CLIP4: variants seen among roughly 807,000 people sequenced by gnomAD.
CLIP4 encodes the protein CAP-Gly domain containing linker protein family member 4.
CLIP4 carries 47 observed loss-of-function variants against 73.1 expected under a neutral mutation model. The ratio of observed to expected loss-of-function variants is 0.64; its 90% confidence interval spans 0.51 to 0.82. CLIP4 has a LOEUF of 0.82. Among genes scored for constraint, CLIP4 ranks in the 40% least tolerant of loss-of-function variants. CLIP4 has a pLI of 0.00. For synonymous variants in CLIP4, 306 were observed against 295.4 expected (o/e 1.04, Z -0.37); for missense variants, 874 against 852.9 (o/e 1.02, Z -0.31).
chr2:29,120,118 C>T (rs1025352884), intron 1 of CLIP4, among the ~76,000 whole-genome samples: 4 of 152,056 alleles, frequency 2.6e-5, no homozygotes, highest in African/African-American at 9.7e-5. Context: ...ATTTATGTGG[C>T]AAGGTTAATG....
chr2:29,170,284 G>T (rs1667918202), intron 14 of CLIP4, among the ~76,000 whole-genome samples: 1 of 152,132 alleles, frequency 6.6e-6, no homozygotes, highest in African/African-American at 2.4e-5. Flanking sequence ...CAGTGGAATT[G>T]CTGGATTATA....
chr2:29,102,851 C>G (rs1056893617), intron 1 of CLIP4, among the ~76,000 whole-genome samples: 20 of 152,196 alleles, frequency 1.3e-4, no homozygotes, highest in African/African-American at 4.8e-4. Flanking sequence ...GTCACGAACT[C>G]AAGTGATCTG....
At chr2:29,167,708 A>G (rs1426781306) in intron 14 of CLIP4, 168 bp downstream of exon 14, 2 of 496,740 alleles carry the variant, frequency 4.0e-6, no homozygotes, top group African/African-American at 4.0e-5. Context: ...GAAGAAGATG[A>G]TAACCTGACC....
chr2:29,169,905 C>T (rs1244518515), intron 14 of CLIP4, among the ~76,000 whole-genome samples: 1 of 152,098 alleles, frequency 6.6e-6, no homozygotes, highest in African/African-American at 2.4e-5. Flanking sequence ...TCTTTATCCC[C>T]CTTCCCACCC....
intron 9 of CLIP4, among the ~76,000 whole-genome samples, chr2:29,154,730 C>T (rs1489791293): frequency 6.6e-6 from 1 of 152,168 alleles, no homozygotes; most frequent in Non-Finnish European, 1.5e-5. Context: ...ATGGATCTGA[C>T]CAAAGCCTTT....
chr2:29,164,728 T>C (rs183686298), intron 13 of CLIP4, among the ~76,000 whole-genome samples: 6 of 152,312 alleles, frequency 3.9e-5, no homozygotes, highest in Admixed American at 1.3e-4. Context: ...TAGTTTTCCC[T>C]TACAACTAGA....
chr2:29,161,405 G>T (rs778021854), intron 12 of CLIP4, among the ~76,000 whole-genome samples: 6 of 151,948 alleles, frequency 3.9e-5, no homozygotes, highest in Non-Finnish European at 8.8e-5. Flanking sequence ...TTAGGAAAAG[G>T]TTATCTAGAA....
chr2:29,141,588 C>T (rs1665770223), intron 6 of CLIP4, among the ~76,000 whole-genome samples: 1 of 152,190 alleles, frequency 6.6e-6, no homozygotes, highest in Non-Finnish European at 1.5e-5. Context: ...CCTACTTTGT[C>T]CCTCTTGACT....
At chr2:29,123,155 G>A (rs930391421) in intron 2 of CLIP4, among the ~76,000 whole-genome samples, 2 of 152,142 alleles carry the variant, frequency 1.3e-5, no homozygotes, top group African/African-American at 2.4e-5. Context: ...CAGATAGTTT[G>A]AACATTTTAA....
At position 29,169,060 on chromosome 2, in the gene CLIP4, C is replaced by T. The variant is rs539145765; in HGVS notation, c.1723+1520C>T. On this transcript the variant is annotated intron_variant, in intron 14 of 15. Coordinates refer to ENST00000320081, the MANE Select transcript of CLIP4 (RefSeq NM_024692.6). ...TTGTTGAGATTAATTTTATGGCCCA[C>T]CCTAATAGGTGTGTTGTTTTAATTT... Among the ~76,000 whole-genome samples, 6 of 151,564 alleles carry T rather than the reference C, an allele frequency of 4.0e-5. No individual in the cohort carries two copies. The East Asian group carries it at 1.2e-3, about 29-fold the overall frequency.
At chr2:29,173,456 A>G (rs1349153705) in intron 14 of CLIP4, among the ~76,000 whole-genome samples, 1 of 152,036 alleles carries the variant, frequency 6.6e-6, no homozygotes, top group Non-Finnish European at 1.5e-5. Context: ...CCTGGGCTTT[A>G]TTTTCTTCCC....
At chr2:29,141,961 C>A (rs987249904) in intron 6 of CLIP4, among the ~76,000 whole-genome samples, 1 of 151,898 alleles carries the variant, frequency 6.6e-6, no homozygotes, top group Non-Finnish European at 1.5e-5. Context: ...TTTTTGTTTT[C>A]ATGTTTAGAA....
At chr2:29,105,410 G>GT (rs1194454726) in intron 1 of CLIP4, among the ~76,000 whole-genome samples, 13 of 152,202 alleles carry the variant, frequency 8.5e-5, no homozygotes, top group Non-Finnish European at 1.5e-5. Context: ...TTAAGAGAAT[G>GT]TAAGAGACAT....
intron 15 of CLIP4, among the ~76,000 whole-genome samples, chr2:29,176,181 C>T (rs1028520887): frequency 3.9e-5 from 6 of 152,210 alleles, no homozygotes; most frequent in African/African-American, 1.4e-4. Context: ...GGCACTAGGA[C>T]ATTTGTCCCT....
At chr2:29,131,603 T>C (rs1484305809) in intron 3 of CLIP4, 5 of 458,030 alleles carry the variant, frequency 1.1e-5, no homozygotes, top group Non-Finnish European at 1.5e-5. Flanking sequence ...CTTCTGACAT[T>C]TGTAGACTCC....
chr2:29,171,808 G>A (rs1259612646), intron 14 of CLIP4, among the ~76,000 whole-genome samples: 2 of 151,958 alleles, frequency 1.3e-5, no homozygotes, highest in Non-Finnish European at 2.9e-5. Flanking sequence ...GTGAGCCACC[G>A]CGCCTGGCCT....
chr2:29,162,334 A>G (rs1289028931), intron 12 of CLIP4, among the ~76,000 whole-genome samples: 1 of 152,210 alleles, frequency 6.6e-6, no homozygotes, highest in Non-Finnish European at 1.5e-5. Context: ...TCACTGCTAC[A>G]GAACAGTGGT....
At chr2:29,176,219 G>C (rs1191692231) in intron 15 of CLIP4, among the ~76,000 whole-genome samples, 2 of 152,232 alleles carry the variant, frequency 1.3e-5, no homozygotes, top group Non-Finnish European at 1.5e-5. Flanking sequence ...AGACAGGGCA[G>C]TGCTCGATGG....
rs1558504953 is a variant in CLIP4, at chr2:29,107,368, T to TTTTG, written c.-16+9424_-16+9425insGTTT. ...TCCTGGAACATGATAGTTTTTTTTT[T>TTTTG]TTTTTTTTTTTTTTTTTTTTTGAGA... On this transcript the variant is annotated intron_variant, in intron 1 of 14. Transcript: ENST00000401605. Among the ~76,000 whole-genome samples the TTTTG allele has an allele frequency of 1.2e-4, 9 of 76,620 alleles. No homozygotes were observed. In the East Asian group the frequency reaches 1.5e-3, roughly 13 times the overall value. The allele number at this position is 76,620 out of a possible 152,430, so 50.3% of individuals were successfully genotyped here. A position where few individuals can be genotyped will look rare whatever the true frequency, so the allele number is the denominator to read the frequency against.
Sources: allele counts gnomAD v4.1 joint callset (sites outside exome capture counted in the v4.1 genomes callset), GRCh38; gene constraint gnomAD v4.1.1; transcripts MANE v1.5; gene names NCBI Gene and HGNC (gene_info 2026-07-23, HGNC 2026-07-21).